The following FAT4 variants were observed in gnomAD, a reference collection of about 807,000 sequenced individuals.
FAT4 encodes FAT atypical cadherin 4.
FAT4 carries 84 observed loss-of-function variants against 303.9 expected under a neutral mutation model. The ratio of observed to expected loss-of-function variants is 0.28; its 90% confidence interval spans 0.23 to 0.33. The LOEUF is 0.33. Ranked by LOEUF, FAT4 falls within the 10% of genes least tolerant of loss-of-function variation. FAT4 has a pLI of 1.00. For missense variants in FAT4, 6,005 were observed against 6,146.8 expected (o/e 0.98, Z 0.77); for synonymous variants, 2,307 against 2,298.8 (o/e 1.00, Z -0.10).
chr4:125,484,697 G>A (rs1727347907), intron 16 of FAT4, among the ~76,000 whole-genome samples: 1 of 152,074 alleles, frequency 6.6e-6, no homozygotes, highest in South Asian at 2.1e-4. Context: ...AGGCTATATG[G>A]AATAGTCTAT....
At chr4:125,436,689 G>T (rs1172560451) in intron 8 of FAT4, among the ~76,000 whole-genome samples, 1 of 152,096 alleles carries the variant, frequency 6.6e-6, no homozygotes, top group African/African-American at 2.4e-5. Context: ...CGTCTTACAT[G>T]GTAGCAGGCA....
Position 125,407,013 on chromosome 4 carries a change from T to C in FAT4, c.5441T>C (p.Val1814Ala), listed in dbSNP as rs370491665. The C allele has an allele frequency of 3.7e-5, 59 of 1,613,724 alleles. No homozygotes were observed. Among genetic ancestry groups the C allele is most frequent in the Middle Eastern group, 1.6e-4 (1 of 6,078 alleles). Reference sequence around the variant, plus strand: ...CGCCGCTCCAAATATTCACTGCTAGTTCGTGCTGATGATGGTCTTCAGTCC... The same window carrying C: ...CGCCGCTCCAAATATTCACTGCTAGCTCGTGCTGATGATGGTCTTCAGTCC... ...RERRSKYSLL[V>A]RADDGLQSSD... Residue 1814 changes from valine to alanine, a missense_variant, in exon 4 of 18, where the codon GTT becomes GCT. By Grantham distance (64) the Val-to-Ala change is moderately conservative (BLOSUM62 0). Coordinates refer to ENST00000394329, the MANE Select transcript of FAT4 (RefSeq NM_001291303.3).
chr4:125,414,227 A>G (rs1367514992), intron 5 of FAT4, among the ~76,000 whole-genome samples: 2 of 152,134 alleles, frequency 1.3e-5, no homozygotes, highest in Non-Finnish European at 2.9e-5. Flanking sequence ...AAACTAAAAA[A>G]TGACACATGA....
At chr4:125,410,648 T>A (rs548876677) in intron 5 of FAT4, among the ~76,000 whole-genome samples, 1 of 152,242 alleles carries the variant, frequency 6.6e-6, no homozygotes, top group South Asian at 2.1e-4. Flanking sequence ...CATAGAATTG[T>A]ATGTTTTCCT....
At chr4:125,389,499 C>T (rs1391970470) in intron 2 of FAT4, among the ~76,000 whole-genome samples, 2 of 152,106 alleles carry the variant, frequency 1.3e-5, no homozygotes, top group Non-Finnish European at 2.9e-5. Context: ...CATACACTTA[C>T]TTTATGATAA....
chr4:125,405,488 A>T (rs1388664212), intron 3 of FAT4, among the ~76,000 whole-genome samples: 3 of 150,128 alleles, frequency 2.0e-5, no homozygotes, highest in Non-Finnish European at 3.0e-5. Context: ...GATTAGTGAC[A>T]CTGAGTATTT....
At chr4:125,484,957 A>G (rs1029090016) in intron 16 of FAT4, among the ~76,000 whole-genome samples, 1 of 151,926 alleles carries the variant, frequency 6.6e-6, no homozygotes, top group African/African-American at 2.4e-5. Flanking sequence ...GGCTCAATGT[A>G]TCCTCCCACC....
intron 8 of FAT4, 22 bp downstream of exon 8, chr4:125,434,447 A>G (rs774888493): frequency 1.2e-6 from 2 of 1,609,826 alleles, no homozygotes; most frequent in Non-Finnish European, 8.5e-7. Context: ...TTCCTTTGTA[A>G]AGTTTGTCTG....
chr4:125,397,378 A>G (rs1191143809), intron 2 of FAT4, among the ~76,000 whole-genome samples: 2 of 152,078 alleles, frequency 1.3e-5, no homozygotes, highest in African/African-American at 2.4e-5. Context: ...AAAACCCATG[A>G]TATTTACAAC....
intron 9 of FAT4, among the ~76,000 whole-genome samples, 153 bp from the exon 10 acceptor site, chr4:125,448,308 C>T (rs987873736): frequency 1.3e-5 from 2 of 151,930 alleles, no homozygotes; most frequent in Non-Finnish European, 2.9e-5. Context: ...TTGTGAACCT[C>T]GGAGAAAATA....
chr4:125,316,354 ATT>A lies in FAT4; in HGVS notation c.-12-45_-12-44del, dbSNP rs1178255390. 6.5e-7 allele frequency: 1 copy of A among 1,533,662 alleles called. No individual in the cohort carries two copies. Among genetic ancestry groups the A allele is most frequent in the Non-Finnish European group, 8.8e-7 (1 of 1,141,042 alleles). The stretch of plus-strand genomic sequence containing the variant: ...GCGCTCCTTAATCCCTGTAAATATC[ATT>A]GCGTTTGCTTCACCCCTTCCTTCTC... On this transcript the variant is annotated intron_variant, in intron 1 of 17. Coordinates refer to ENST00000394329, the MANE Select transcript of FAT4 (RefSeq NM_001291303.3). This position sits in a 1 kb window ranked among gnomAD's most constrained non-coding sequence, Gnocchi z 5.7.
chr4:125,328,615 T>A (rs1440644794), intron 2 of FAT4, among the ~76,000 whole-genome samples: 1 of 152,254 alleles, frequency 6.6e-6, no homozygotes, highest in Non-Finnish European at 1.5e-5. Flanking sequence ...GACATTTCTC[T>A]AAGGCTTTTT....
chr4:125,375,810 C>T (rs566376203), intron 2 of FAT4, among the ~76,000 whole-genome samples: 1 of 152,280 alleles, frequency 6.6e-6, no homozygotes, highest in Admixed American at 6.5e-5. Context: ...TATTTTATGT[C>T]ATTACTGAGA....
At chr4:125,349,975 T>G (rs1732159913) in intron 2 of FAT4, among the ~76,000 whole-genome samples, 1 of 151,734 alleles carries the variant, frequency 6.6e-6, no homozygotes, top group Non-Finnish European at 1.5e-5. Context: ...CTGTCGTCAG[T>G]TTTTTATGTA....
chr4:125,390,497 T>A (rs912880984), intron 2 of FAT4, among the ~76,000 whole-genome samples: 4 of 152,230 alleles, frequency 2.6e-5, no homozygotes, highest in Non-Finnish European at 5.9e-5. Context: ...TCACTTGAGA[T>A]TCCATACAGA....
At chr4:125,385,301 G>C (rs1437436898) in intron 2 of FAT4, among the ~76,000 whole-genome samples, 1 of 152,006 alleles carries the variant, frequency 6.6e-6, no homozygotes, top group East Asian at 1.9e-4. Flanking sequence ...GGGATTACAG[G>C]CATGAGCCAC....
At chr4:125,454,889 T>C (rs755325302) in intron 10 of FAT4, among the ~76,000 whole-genome samples, 91 of 152,282 alleles carry the variant, frequency 6.0e-4, no homozygotes, top group Admixed American at 7.8e-4. Flanking sequence ...GTAATTGCAG[T>C]CTAATTAGTA....
intron 2 of FAT4, 94 bp from the exon 3 acceptor site, chr4:125,398,690 C>T: frequency 3.3e-6 from 4 of 1,215,614 alleles, no homozygotes; most frequent in Non-Finnish European, 4.6e-6. Flanking sequence ...TTCATTTTGG[C>T]AGTCTTGATT....
chr4:125,398,306 G>A (rs552567225), intron 2 of FAT4, among the ~76,000 whole-genome samples: 28 of 152,246 alleles, frequency 1.8e-4, no homozygotes, highest in Non-Finnish European at 3.2e-4. Context: ...GGACTTTAAA[G>A]GGGGAAATTC....
Sources: gnomAD v4.1 joint callset for allele counts (sites outside exome capture counted in the v4.1 genomes callset) on GRCh38, gnomAD v4.1.1 for gene constraint, Gnocchi (gnomAD v3.1) non-coding constraint, MANE v1.5 for transcripts, NCBI Gene and HGNC (gene_info 2026-07-23, HGNC 2026-07-21) for gene names.